Variants in AGBL1 observed in about 807,000 individuals in gnomAD.
AGBL1 encodes AGBL carboxypeptidase 1.
AGBL1 carries 130 observed loss-of-function variants against 118.9 expected under a neutral mutation model. That is an observed-to-expected ratio of 1.09 (90% CI 0.95 to 1.26). The LOEUF is 1.26. AGBL1 is among the 50% of genes most tolerant of loss of function. The probability of loss-of-function intolerance (pLI) is 0.00; values close to 1 mark genes in which losing one functional copy is unlikely to be tolerated. For synonymous variants in AGBL1, 555 were observed against 478.9 expected, an observed-to-expected ratio of 1.16 and a Z score of -2.08; for missense variants, 1,584 against 1,298.1, an observed-to-expected ratio of 1.22 and a Z score of -3.38.
intron 21 of AGBL1, among the ~76,000 whole-genome samples, chr15:86,591,114 G>A (rs767626880): frequency 2.6e-5 from 4 of 152,194 alleles, no homozygotes; most frequent in Admixed American, 6.5e-5. Flanking sequence ...TAACCTTGAC[G>A]CTTAAAGGTG....
At chr15:86,405,637 T>TA (rs1357410123) in intron 18 of AGBL1, among the ~76,000 whole-genome samples, 1 of 152,156 alleles carries the variant, frequency 6.6e-6, no homozygotes, top group Non-Finnish European at 1.5e-5. Flanking sequence ...CAATGGCTAA[T>TA]ACATTTTAAG....
intron 23 of AGBL1, among the ~76,000 whole-genome samples, chr15:86,986,926 C>T (rs1421422309): frequency 6.6e-6 from 1 of 150,978 alleles, no homozygotes; most frequent in Non-Finnish European, 1.5e-5. Flanking sequence ...TGGGTGGGGT[C>T]GTTTTATAGG....
chr15:86,533,931 G>A (rs2142224888), intron 19 of AGBL1, among the ~76,000 whole-genome samples: 1 of 88,036 alleles, frequency 1.1e-5, no homozygotes, highest in East Asian at 3.8e-4. Context: ...ATGGTCACAG[G>A]AAGGGGAATA....
intron 5 of AGBL1, among the ~76,000 whole-genome samples, chr15:86,215,741 C>A (rs1020000268): frequency 1.3e-5 from 2 of 152,212 alleles, no homozygotes; most frequent in Admixed American, 1.3e-4. Context: ...AGCAATCTGT[C>A]AAGAAATCCC....
chr15:86,130,779 A>G (rs1273779211), intron 1 of AGBL1, among the ~76,000 whole-genome samples: 1 of 152,182 alleles, frequency 6.6e-6, no homozygotes, highest in Non-Finnish European at 1.5e-5. Flanking sequence ...CTGGTAAGAA[A>G]TTATCCTGAT....
intron 24 of AGBL1, among the ~76,000 whole-genome samples, chr15:86,993,340 A>G (rs1596717306): frequency 6.6e-6 from 1 of 152,154 alleles, no homozygotes. Flanking sequence ...AATACCAACT[A>G]TATATTGGAC....
At chr15:86,821,446 C>T (rs2078942651) in intron 22 of AGBL1, among the ~76,000 whole-genome samples, 1 of 152,116 alleles carries the variant, frequency 6.6e-6, no homozygotes, top group Non-Finnish European at 1.5e-5. Flanking sequence ...ACATTTTGGT[C>T]TTCGTGAAAA....
chr15:86,720,010 G>C (rs189286742), intron 22 of AGBL1, among the ~76,000 whole-genome samples: 80 of 152,254 alleles, frequency 5.3e-4, no homozygotes, highest in African/African-American at 1.8e-3. Context: ...TGCTTCAGGG[G>C]TTGACTCTGA....
chr15:87,009,413 C>T (rs894825179), intron 24 of AGBL1, among the ~76,000 whole-genome samples: 2 of 152,198 alleles, frequency 1.3e-5, no homozygotes, highest in African/African-American at 4.8e-5. Context: ...AAATAATGTA[C>T]AGAAATGCCT....
chr15:86,549,346 G>C (rs2083632215), intron 20 of AGBL1, among the ~76,000 whole-genome samples: 1 of 151,994 alleles, frequency 6.6e-6, no homozygotes, highest in East Asian at 1.9e-4. Flanking sequence ...CAAGATATTT[G>C]AGCACTACAT....
chr15:86,857,448 G>C (rs1406678629), intron 22 of AGBL1, among the ~76,000 whole-genome samples: 2 of 152,060 alleles, frequency 1.3e-5, no homozygotes, highest in East Asian at 3.9e-4. Context: ...TCTTTCATCT[G>C]TTTTCACATG....
chr15:86,814,654 A>G (rs1341642704), intron 22 of AGBL1, among the ~76,000 whole-genome samples: 1 of 152,212 alleles, frequency 6.6e-6, no homozygotes, highest in Non-Finnish European at 1.5e-5. Flanking sequence ...TATCTGGTTC[A>G]AATGATTCTA....
At chr15:86,249,685 G>T (rs1421732741) in intron 7 of AGBL1, among the ~76,000 whole-genome samples, 2 of 152,076 alleles carry the variant, frequency 1.3e-5, no homozygotes, top group Admixed American at 1.3e-4. Context: ...CTGGTCCAGT[G>T]CTTTACCGTG....
chr15:86,746,669 A>G (rs2077761305), intron 22 of AGBL1, among the ~76,000 whole-genome samples: 1 of 152,046 alleles, frequency 6.6e-6, no homozygotes. Context: ...TGAAGCACTT[A>G]TTGGATGTTT....
At chr15:86,474,735 C>G (rs902296214) in intron 18 of AGBL1, among the ~76,000 whole-genome samples, 1 of 152,200 alleles carries the variant, frequency 6.6e-6, no homozygotes, top group African/African-American at 2.4e-5. Flanking sequence ...TAGTGGTTCT[C>G]CCAGCATGGA....
intron 5 of AGBL1, among the ~76,000 whole-genome samples, chr15:86,208,134 A>G (rs148396481): frequency 0.013 from 1,954 of 152,126 alleles, 26 homozygotes; most frequent in East Asian, 0.073. Context: ...ATTGATTTGC[A>G]TATGTTGAAC....
intron 17 of AGBL1, among the ~76,000 whole-genome samples, chr15:86,355,371 A>C (rs1162677508): frequency 1.3e-5 from 2 of 152,156 alleles, no homozygotes; most frequent in African/African-American, 2.4e-5. Flanking sequence ...CTTTATGGTC[A>C]ATTGCTTCTG....
At chr15:86,683,493 G>T (rs12901968) in intron 22 of AGBL1, among the ~76,000 whole-genome samples, 131,902 of 151,730 alleles carry the variant, frequency 0.87, 57,616 homozygotes, top group Middle Eastern at 0.93. Flanking sequence ...CTAAAATAAT[G>T]CCTATTTTAC....
chr15:86,726,594 C>T (rs559070561), intron 22 of AGBL1, among the ~76,000 whole-genome samples: 7 of 152,200 alleles, frequency 4.6e-5, no homozygotes, highest in Non-Finnish European at 7.4e-5. Context: ...TAGGTTCCTG[C>T]CTTGTCACCC....
Sources: allele counts gnomAD v4.1 joint callset (sites outside exome capture counted in the v4.1 genomes callset), GRCh38; gene constraint gnomAD v4.1.1; transcripts MANE v1.5; gene names NCBI Gene and HGNC (gene_info 2026-07-23, HGNC 2026-07-21).